CPED1: variants seen among roughly 807,000 people sequenced by gnomAD.
CPED1 encodes cadherin-like and PC-esterase domain-containing protein 1.
A neutral mutation model predicts 128.2 loss-of-function variants in CPED1; 114 were observed. The observed-to-expected ratio is 0.89, with a 90% CI of 0.76 to 1.04. The LOEUF is 1.04. CPED1 is among the 50% of genes least tolerant of loss of function. The pLI, the probability that CPED1 is intolerant of heterozygous loss-of-function variation, is 0.00. For missense variants in CPED1, 1,211 were observed against 1,207.1 expected (o/e 1.00, Z -0.05); for synonymous variants, 462 against 426.7 (o/e 1.08, Z -1.02).
At chr7:121,147,429 GT>G (rs1260131288) in intron 16 of CPED1, among the ~76,000 whole-genome samples, 3 of 152,026 alleles carry the variant, frequency 2.0e-5, no homozygotes, top group Admixed American at 6.6e-5. Context: ...ACAGTATAAT[GT>G]TTTGCTGTTA....
At chr7:121,248,500 C>T (rs1798591974) in intron 18 of CPED1, among the ~76,000 whole-genome samples, 1 of 150,798 alleles carries the variant, frequency 6.6e-6, no homozygotes, top group Admixed American at 6.6e-5. Context: ...TGAGTAAGGG[C>T]CTAACACATA....
At chr7:121,001,329 G>A (rs1014434442) in intron 2 of CPED1, among the ~76,000 whole-genome samples, 2 of 152,160 alleles carry the variant, frequency 1.3e-5, no homozygotes. Context: ...CATAAATTTT[G>A]ATATTTTAGT....
At chr7:121,150,917 T>C (rs1188739207) in intron 16 of CPED1, among the ~76,000 whole-genome samples, 1 of 151,990 alleles carries the variant, frequency 6.6e-6, no homozygotes, top group African/African-American at 2.4e-5. Flanking sequence ...TACAGGCGCC[T>C]GCCACCACAC....
Position 121,143,498 on chromosome 7 carries a change from A to G in CPED1, c.2055+1357A>G, listed in dbSNP as rs183671218. Among the ~76,000 whole-genome samples the G allele has an allele frequency of 4.0e-4, 61 of 152,112 alleles. 1 individual carries two copies. The East Asian group carries it at 7.6e-3, about 19-fold the overall frequency. On this transcript the variant is annotated intron_variant, in intron 16 of 22. Coordinates refer to ENST00000310396, the MANE Select transcript of CPED1 (RefSeq NM_024913.5). ...GAAGACTTTAAAATATGTTCCTCTT[A>G]GGTTTTGACCTTTCAATTTGCTTTA... is the stretch of plus-strand genomic sequence containing the variant.
chr7:121,208,755 G>A (rs1013250492), intron 16 of CPED1, among the ~76,000 whole-genome samples: 5 of 151,948 alleles, frequency 3.3e-5, no homozygotes, highest in African/African-American at 9.7e-5. Context: ...AGTTTCACAG[G>A]CGAACTCCAC....
chr7:121,119,067 G>T (rs1211150568), intron 7 of CPED1, among the ~76,000 whole-genome samples: 1 of 151,452 alleles, frequency 6.6e-6, no homozygotes, highest in East Asian at 1.9e-4. Context: ...TATTTAATAT[G>T]ATTTGTAATG....
chr7:121,131,492 GTT>G (rs35424690), intron 12 of CPED1, among the ~76,000 whole-genome samples: 66 of 133,994 alleles, frequency 4.9e-4, no homozygotes, highest in Middle Eastern at 4.0e-3. Context: ...CTGTTTCAAA[GTT>G]TTTTTTTTTT....
chr7:121,014,013 G>A (rs1029661775), intron 2 of CPED1, among the ~76,000 whole-genome samples: 24 of 152,192 alleles, frequency 1.6e-4, no homozygotes, highest in African/African-American at 5.1e-4. Flanking sequence ...TTCCTTTCGT[G>A]AGTGCTAATG....
At chr7:121,169,887 T>C (rs553902025) in intron 16 of CPED1, among the ~76,000 whole-genome samples, 3 of 152,326 alleles carry the variant, frequency 2.0e-5, no homozygotes, top group Middle Eastern at 6.8e-3. Context: ...TTTTTTTTCT[T>C]TAGCATGGAT....
At chr7:121,002,656 G>A (rs1305961651) in intron 2 of CPED1, among the ~76,000 whole-genome samples, 1 of 145,148 alleles carries the variant, frequency 6.9e-6, no homozygotes, top group East Asian at 1.9e-4. Context: ...GGAGGTGAGT[G>A]TACTATGTTT....
Position 120,989,436 on chromosome 7 carries a change from G to T in CPED1, c.-186G>T. ...ATCCATGGAAGAGCTCTTATTAAAAGCCTCAGACTTTCGGGACCTATGATT... is the reference window on the plus strand; with the variant it reads ...ATCCATGGAAGAGCTCTTATTAAAATCCTCAGACTTTCGGGACCTATGATT... On this transcript the variant is annotated 5_prime_UTR_variant, in exon 2 of 23. Transcript: ENST00000310396. 1.5e-6 allele frequency: 1 copy of T among 648,262 alleles called. No individual in the cohort carries two copies. Among genetic ancestry groups the T allele is most frequent in the Non-Finnish European group, 2.6e-6 (1 of 383,988 alleles). The allele number at this position is 648,262 out of a possible 1,614,324, so 40.2% of individuals were successfully genotyped here. A position where few individuals can be genotyped will look rare whatever the true frequency, so the allele number is the denominator to read the frequency against.
At chr7:121,109,211 T>C (rs550662579) in intron 7 of CPED1, among the ~76,000 whole-genome samples, 3 of 152,284 alleles carry the variant, frequency 2.0e-5, no homozygotes, top group Admixed American at 6.5e-5. Flanking sequence ...ACTCTTCAGA[T>C]ATATTTTGTA....
chr7:121,010,746 T>C (rs1348285494), intron 2 of CPED1, among the ~76,000 whole-genome samples: 1 of 152,156 alleles, frequency 6.6e-6, no homozygotes, highest in African/African-American at 2.4e-5. Flanking sequence ...CATCATCAGC[T>C]TGAGATTCAG....
At position 121,296,394 on chromosome 7, in the gene CPED1, T is replaced by C. The variant is rs1562866393; in HGVS notation, c.*742T>C. The C allele has an allele frequency of 1.3e-5, 2 of 152,200 alleles. No individual in the cohort carries two copies. Among genetic ancestry groups the C allele is most frequent in the Admixed American group, 6.5e-5 (1 of 15,282 alleles). 9.4% of individuals were successfully genotyped at this position (152,200 alleles called of 1,614,324 possible). ...GTCTGAATTAATGAAATATGTAATT[T>C]TAAAGTAAGTAACAAAATGTAGTTC... On this transcript the variant is annotated 3_prime_UTR_variant, in exon 23 of 23. Coordinates refer to ENST00000310396, the MANE Select transcript of CPED1 (RefSeq NM_024913.5).
intron 7 of CPED1, among the ~76,000 whole-genome samples, chr7:121,116,791 G>T (rs1795244876): frequency 6.6e-6 from 1 of 151,656 alleles, no homozygotes; most frequent in Admixed American, 6.6e-5. Context: ...TTAACCCCAA[G>T]TTTCTTCATC....
intron 18 of CPED1, among the ~76,000 whole-genome samples, chr7:121,248,659 A>C (rs184636870): frequency 1.8e-4 from 27 of 151,148 alleles, no homozygotes; most frequent in Non-Finnish European, 1.5e-4. Flanking sequence ...TTGCCCTTTG[A>C]AAACATCCAG....
intron 7 of CPED1, among the ~76,000 whole-genome samples, chr7:121,109,664 AGAATAACTTCT>A (rs1795059681): frequency 1.3e-5 from 2 of 152,188 alleles, no homozygotes; most frequent in Non-Finnish European, 2.9e-5. Flanking sequence ...AATTTCTAGT[AGAATAACTTCT>A]GAATAACTTC....
At chr7:121,154,946 A>G (rs1404940718) in intron 16 of CPED1, among the ~76,000 whole-genome samples, 2 of 152,224 alleles carry the variant, frequency 1.3e-5, no homozygotes, top group Non-Finnish European at 2.9e-5. Flanking sequence ...GTGTTCACAG[A>G]TGACATGATC....
chr7:121,161,824 G>A (rs1796418504), intron 16 of CPED1, among the ~76,000 whole-genome samples: 2 of 152,186 alleles, frequency 1.3e-5, no homozygotes, highest in African/African-American at 2.4e-5. Context: ...AAGGGAACCA[G>A]ATCCATTAAG....
Sources: allele counts gnomAD v4.1 joint callset (sites outside exome capture counted in the v4.1 genomes callset), GRCh38; gene constraint gnomAD v4.1.1; transcripts MANE v1.5; gene names NCBI Gene and HGNC (gene_info 2026-07-23, HGNC 2026-07-21).